MYRIP: variants seen among roughly 807,000 people sequenced by gnomAD.
MYRIP encodes the protein myosin VIIA and Rab interacting protein, also known as rab effector MyRIP.
MYRIP carries 49 observed loss-of-function variants against 98.0 expected under a neutral mutation model. That is an observed-to-expected ratio of 0.50 (90% CI 0.40 to 0.63). MYRIP has a LOEUF of 0.63. Ranked by LOEUF, MYRIP falls within the 30% of genes least tolerant of loss-of-function variation. MYRIP has a pLI of 0.00. For missense variants in MYRIP, 1,004 were observed against 1,058.2 expected (o/e 0.95, Z 0.71); for synonymous variants, 404 against 409.5 (o/e 0.99, Z 0.16).
chr3:39,954,911 A>G (rs551478046), intron 2 of MYRIP, among the ~76,000 whole-genome samples: 1 of 152,302 alleles, frequency 6.6e-6, no homozygotes, highest in East Asian at 1.9e-4. Flanking sequence ...ATCAAGTGGA[A>G]GAAAGGGTAT....
At chr3:39,831,802 T>A (rs1941456552) in intron 1 of MYRIP, among the ~76,000 whole-genome samples, 1 of 152,228 alleles carries the variant, frequency 6.6e-6, no homozygotes. Flanking sequence ...TTGCATTAGC[T>A]ATGTTTTACA....
chr3:39,837,482 C>G (rs1314565227), intron 1 of MYRIP, among the ~76,000 whole-genome samples: 1 of 152,082 alleles, frequency 6.6e-6, no homozygotes, highest in Admixed American at 6.6e-5. Flanking sequence ...AATCCTTTCC[C>G]CATTGCTTGT....
chr3:40,182,463 T>A, intron 9 of MYRIP, 90 bp downstream of exon 9: 1 of 1,440,588 alleles, frequency 6.9e-7, no homozygotes, highest in East Asian at 2.4e-5. Context: ...ACTCTGCTCT[T>A]CTTCCCATAA....
In MYRIP at chr3:39,954,577, G is replaced by C. The variant is rs74743762; in HGVS notation, c.110+53651G>C. On this transcript the variant is annotated intron_variant, in intron 2 of 16. Transcript: ENST00000302541. ...ACAAAGATGGGGAGAAACCAGAGCA[G>C]AAAAGCTGAAAATTCTAAAAATCAG... Among the ~76,000 whole-genome samples the C allele has an allele frequency of 9.8e-3, 1,489 of 152,276 alleles. 24 individuals carry two copies. Among genetic ancestry groups the C allele is most frequent in the African/African-American group, 0.034 (1,430 of 41,548 alleles).
chr3:39,960,529 A>T (rs994750802), intron 2 of MYRIP, among the ~76,000 whole-genome samples: 4 of 152,128 alleles, frequency 2.6e-5, no homozygotes, highest in Admixed American at 1.3e-4. Flanking sequence ...TCTTGTTTTT[A>T]TTCACCAAAC....
intron 11 of MYRIP, among the ~76,000 whole-genome samples, chr3:40,228,668 G>A (rs1952560613): frequency 6.6e-6 from 1 of 152,186 alleles, no homozygotes; most frequent in African/African-American, 2.4e-5. Flanking sequence ...AGCCCCTGAG[G>A]TGGAGACAGG....
At chr3:39,978,912 CATG>C (rs1187406444) in intron 2 of MYRIP, among the ~76,000 whole-genome samples, 1 of 151,516 alleles carries the variant, frequency 6.6e-6, no homozygotes, top group Non-Finnish European at 1.5e-5. Context: ...TCACTTTCAA[CATG>C]ATATTTGATG....
At chr3:40,090,258 G>C (rs1423043156) in intron 3 of MYRIP, among the ~76,000 whole-genome samples, 5 of 152,114 alleles carry the variant, frequency 3.3e-5, no homozygotes, top group African/African-American at 4.8e-5. Context: ...TCCAGGTGCT[G>C]GCTGGTGAGG....
intron 1 of MYRIP, among the ~76,000 whole-genome samples, chr3:39,847,010 T>C (rs6777708): frequency 0.64 from 96,786 of 152,002 alleles, 31,213 homozygotes; most frequent in African/African-American, 0.73. Flanking sequence ...TGAGTTAGGT[T>C]GATTCACATT....
At chr3:40,018,829 G>T (rs1399282967) in intron 2 of MYRIP, among the ~76,000 whole-genome samples, 1 of 152,142 alleles carries the variant, frequency 6.6e-6, no homozygotes, top group East Asian at 1.9e-4. Flanking sequence ...ATAAGCATGA[G>T]AAAAATACTG....
intron 2 of MYRIP, among the ~76,000 whole-genome samples, chr3:39,965,379 AT>A (rs1212878435): frequency 6.6e-6 from 1 of 152,112 alleles, no homozygotes; most frequent in East Asian, 1.9e-4. Context: ...TAAACTCTAC[AT>A]TCTCCCTATT....
At chr3:39,814,162 G>A (rs546254775) in intron 1 of MYRIP, among the ~76,000 whole-genome samples, 1 of 152,302 alleles carries the variant, frequency 6.6e-6, no homozygotes, top group East Asian at 1.9e-4. Flanking sequence ...GGATATGTAT[G>A]CTTAAATCAA....
At chr3:39,815,365 T>A (rs1940865790) in intron 1 of MYRIP, among the ~76,000 whole-genome samples, 1 of 152,202 alleles carries the variant, frequency 6.6e-6, no homozygotes, top group Non-Finnish European at 1.5e-5. Context: ...TATCATTGCT[T>A]CATTCCTTTT....
chr3:40,084,981 A>G (rs1031705319), intron 3 of MYRIP, among the ~76,000 whole-genome samples: 4 of 150,476 alleles, frequency 2.7e-5, no homozygotes, highest in Admixed American at 1.3e-4. Context: ...TGTGTTACAT[A>G]TCGATAATAT....
rs181949657 is a variant in MYRIP, at chr3:39,905,369, C to T, written c.110+4443C>T. 2.4e-4 allele frequency among the ~76,000 whole-genome samples: 37 copies of T among 152,312 alleles called. 1 individual carries two copies. The East Asian group carries it at 7.1e-3, about 29-fold the overall frequency. On this transcript the variant is annotated intron_variant, in intron 2 of 16. Coordinates refer to ENST00000302541, the MANE Select transcript of MYRIP (RefSeq NM_015460.4). ...AATATATCAGTATTAGACATTCTTT[C>T]AGTTTTCTGCTCTGAAATTGGGGAC...
At position 39,904,530 on chromosome 3, in the gene MYRIP, C is replaced by T. The variant is rs144832083; in HGVS notation, c.110+3604C>T. ...GGATTACAGCCATGAGCCACTGCGC[C>T]TGGTCGTGTTTTTTTTTATTTCCCA... is the stretch of plus-strand genomic sequence containing the variant. On this transcript the variant is annotated intron_variant, in intron 2 of 16. Transcript: ENST00000302541. Among the ~76,000 whole-genome samples the T allele has an allele frequency of 6.2e-3, 947 of 152,240 alleles. 11 individuals carry two copies. The highest frequency in any genetic ancestry group is 0.022 in the African/African-American group (895 of 41,540).
chr3:40,170,586 A>C (rs1247967827), intron 8 of MYRIP, among the ~76,000 whole-genome samples: 1 of 152,218 alleles, frequency 6.6e-6, no homozygotes, highest in Admixed American at 6.5e-5. Flanking sequence ...CACAGAGCTC[A>C]GTGGTCTTTC....
intron 2 of MYRIP, among the ~76,000 whole-genome samples, chr3:40,000,519 A>G (rs991983236): frequency 2.0e-5 from 3 of 152,224 alleles, no homozygotes; most frequent in Non-Finnish European, 4.4e-5. Flanking sequence ...TCGATTACTC[A>G]TAAATAACTG....
intron 2 of MYRIP, among the ~76,000 whole-genome samples, chr3:39,989,471 C>T (rs769929715): frequency 6.6e-6 from 1 of 152,196 alleles, no homozygotes; most frequent in East Asian, 1.9e-4. Flanking sequence ...TGTCTGACAA[C>T]CCCTGTTGGA....
Sources: gnomAD v4.1 joint callset for allele counts (sites outside exome capture counted in the v4.1 genomes callset) on GRCh38, gnomAD v4.1.1 for gene constraint, MANE v1.5 for transcripts, NCBI Gene and HGNC (gene_info 2026-07-23, HGNC 2026-07-21) for gene names.